NELL1: variants seen among roughly 807,000 people sequenced by gnomAD.
NELL1 encodes protein kinase C-binding protein NELL1.
NELL1 carries 76 observed loss-of-function variants against 107.4 expected under a neutral mutation model. That is an observed-to-expected ratio of 0.71 (90% confidence interval 0.59 to 0.86). The LOEUF is 0.86. Ranked by LOEUF, NELL1 falls within the 40% of genes least tolerant of loss-of-function variation. The pLI is 0.00. For synonymous variants in NELL1, 353 were observed against 341.2 expected, an observed-to-expected ratio of 1.03 and a Z score of -0.38; for missense variants, 1,024 against 1,005.5, an observed-to-expected ratio of 1.02 and a Z score of -0.25.
intron 5 of NELL1, among the ~76,000 whole-genome samples, chr11:20,898,431 G>A (rs55720377): frequency 0.24 from 36,213 of 151,666 alleles, 5,357 homozygotes; most frequent in African/African-American, 0.39. Flanking sequence ...GGGGTGGGGG[G>A]AAGGGGGAGG....
chr11:20,741,612 T>C (rs1855891582), intron 2 of NELL1, among the ~76,000 whole-genome samples: 1 of 152,176 alleles, frequency 6.6e-6, no homozygotes, highest in Non-Finnish European at 1.5e-5. Context: ...TAAGAACTTT[T>C]CAGAGATTAG....
At chr11:20,764,604 C>G (rs1481396160) in intron 2 of NELL1, among the ~76,000 whole-genome samples, 1 of 145,430 alleles carries the variant, frequency 6.9e-6, no homozygotes, top group African/African-American at 2.7e-5. Context: ...TGGCCTACAC[C>G]CCAGACCTTT....
chr11:21,553,183 A>T (rs1856632099), intron 16 of NELL1, among the ~76,000 whole-genome samples: 1 of 151,818 alleles, frequency 6.6e-6, no homozygotes, highest in Non-Finnish European at 1.5e-5. Context: ...TCATCTGAGA[A>T]CTTGCTTGAG....
At chr11:21,181,002 A>G (rs1252208724) in intron 13 of NELL1, among the ~76,000 whole-genome samples, 1 of 151,912 alleles carries the variant, frequency 6.6e-6, no homozygotes, top group East Asian at 1.9e-4. Flanking sequence ...TTTTTTTTCT[A>G]AAAATGAGGA....
At chr11:20,888,698 C>G (rs1849559101) in intron 5 of NELL1, among the ~76,000 whole-genome samples, 1 of 152,068 alleles carries the variant, frequency 6.6e-6, no homozygotes. Context: ...TTATTTAGCT[C>G]AAAAACCAAT....
At chr11:20,688,518 T>C (rs1291042369) in intron 2 of NELL1, among the ~76,000 whole-genome samples, 3 of 152,184 alleles carry the variant, frequency 2.0e-5, no homozygotes, top group Non-Finnish European at 4.4e-5. Context: ...CTTAGGATAA[T>C]GGCCTCCAGC....
intron 2 of NELL1, among the ~76,000 whole-genome samples, chr11:20,707,034 G>C (rs1854981616): frequency 6.6e-6 from 1 of 152,144 alleles, no homozygotes; most frequent in Admixed American, 6.5e-5. Context: ...TTTTCACATA[G>C]TCCCATATTT....
In NELL1 at chr11:21,186,428, C is replaced by CATTA. The variant is rs1388728178; in HGVS notation, c.1427-42903_1427-42900dup. On this transcript the variant is annotated intron_variant, in intron 13 of 19. Coordinates refer to ENST00000357134, the MANE Select transcript of NELL1 (RefSeq NM_006157.5). ...CTTGTTTTTACCCAGACTCAGAATC[C>CATTA]ATTAGTTCTCAGTCTTTATATTGGT... Among the ~76,000 whole-genome samples, 4 of 151,804 alleles carry CATTA rather than the reference C, an allele frequency of 2.6e-5. No homozygotes were observed. In the East Asian group the frequency reaches 7.7e-4, roughly 29 times the overall value.
intron 12 of NELL1, among the ~76,000 whole-genome samples, chr11:21,092,987 C>A (rs1336047992): frequency 6.6e-6 from 1 of 151,982 alleles, no homozygotes; most frequent in South Asian, 2.1e-4. Context: ...AGCTTGGAGT[C>A]TGGTATACAA....
At chr11:21,411,059 G>T (rs1017039082) in intron 15 of NELL1, among the ~76,000 whole-genome samples, 1 of 151,974 alleles carries the variant, frequency 6.6e-6, no homozygotes, top group Admixed American at 6.6e-5. Context: ...TCAAATACTG[G>T]TAACCACACA....
intron 13 of NELL1, among the ~76,000 whole-genome samples, chr11:21,190,174 G>A (rs546564048): frequency 4.0e-5 from 6 of 151,788 alleles, no homozygotes; most frequent in South Asian, 2.1e-4. Flanking sequence ...CCAACATGGC[G>A]AAATCCTGTC....
chr11:21,219,922 G>T (rs994354806), intron 13 of NELL1, among the ~76,000 whole-genome samples: 5 of 152,160 alleles, frequency 3.3e-5, no homozygotes. Context: ...GAAACTTATG[G>T]TCATAGTGGA....
intron 3 of NELL1, among the ~76,000 whole-genome samples, chr11:20,791,024 GT>G (rs1857063761): frequency 6.6e-6 from 1 of 152,144 alleles, no homozygotes; most frequent in South Asian, 2.1e-4. Context: ...TTCCAAGTTT[GT>G]TCTTCTTTTC....
chr11:21,172,697 T>A (rs902494766), intron 13 of NELL1, among the ~76,000 whole-genome samples: 1 of 151,746 alleles, frequency 6.6e-6, no homozygotes, highest in Non-Finnish European at 1.5e-5. Flanking sequence ...ATTTATGGAG[T>A]ATTTACCGTA....
chr11:20,672,795 A>G (rs2133843814), intron 1 of NELL1, among the ~76,000 whole-genome samples: 1 of 152,172 alleles, frequency 6.6e-6, no homozygotes, highest in South Asian at 2.1e-4. Context: ...CTACACCTGC[A>G]AAGCCCCTAC....
rs73457935 is a variant in NELL1 at position 21,391,448 on chromosome 11, T to A, written c.1645+20500T>A. On this transcript the variant is annotated intron_variant, in intron 15 of 19. Coordinates refer to ENST00000357134, the MANE Select transcript of NELL1 (RefSeq NM_006157.5). Reference sequence around the variant, plus strand: ...TCCCCTACATCTTCTCTGTTCTTTATTTTTGGAACTCTTATTATTTGGGTG... The same window carrying A: ...TCCCCTACATCTTCTCTGTTCTTTAATTTTGGAACTCTTATTATTTGGGTG... Among the ~76,000 whole-genome samples the A allele has an allele frequency of 8.8e-3, 1,341 of 151,934 alleles. 21 individuals are homozygous for A. Among genetic ancestry groups the A allele is most frequent in the African/African-American group, 0.03 (1,249 of 41,532 alleles).
chr11:21,092,871 G>A (rs1343285890), intron 12 of NELL1, among the ~76,000 whole-genome samples: 1 of 152,124 alleles, frequency 6.6e-6, no homozygotes, highest in African/African-American at 2.4e-5. Context: ...ATAGCTCTAG[G>A]ATGATAGCAT....
At chr11:21,287,376 T>C (rs1046809002) in intron 14 of NELL1, among the ~76,000 whole-genome samples, 1 of 152,226 alleles carries the variant, frequency 6.6e-6, no homozygotes, top group African/African-American at 2.4e-5. Context: ...GCATCCAGCA[T>C]GATCTTTCTG....
chr11:21,458,007 A>G (rs1171692270), intron 15 of NELL1, among the ~76,000 whole-genome samples: 2 of 102,830 alleles, frequency 1.9e-5, no homozygotes, highest in African/African-American at 5.6e-5. Context: ...TGAGATGACA[A>G]TAGGAAGATC....
Sources: allele counts gnomAD v4.1 joint callset (sites outside exome capture counted in the v4.1 genomes callset), GRCh38; gene constraint gnomAD v4.1.1; transcripts MANE v1.5; gene names NCBI Gene and HGNC (gene_info 2026-07-23, HGNC 2026-07-21).